Variants in PRRC2B observed in about 807,000 individuals in gnomAD.
The protein encoded by PRRC2B is protein PRRC2B.
A neutral mutation model predicts 242.3 loss-of-function variants in PRRC2B; 68 were observed. That is an observed-to-expected ratio of 0.28 (90% CI 0.23 to 0.34). The LOEUF (loss-of-function observed/expected upper bound fraction) is 0.34. PRRC2B is among the 10% of genes least tolerant of loss of function. PRRC2B has a pLI of 1.00. For missense variants in PRRC2B, 2,835 were observed against 2,954.8 expected, an observed-to-expected ratio of 0.96 and a Z score of 0.94; for synonymous variants, 1,228 against 1,173.6, an observed-to-expected ratio of 1.05 and a Z score of -0.95.
intron 28 of PRRC2B, among the ~76,000 whole-genome samples, chr9:131,489,041 G>C (rs1368061661): frequency 6.6e-6 from 1 of 152,000 alleles, no homozygotes; most frequent in Non-Finnish European, 1.5e-5. Context: ...TGTTCACATG[G>C]GCCCCTGCTC....
At chr9:131,474,193 G>C (rs999165604) in intron 15 of PRRC2B, among the ~76,000 whole-genome samples, 2 of 152,148 alleles carry the variant, frequency 1.3e-5, no homozygotes, top group African/African-American at 4.8e-5. Context: ...GGCCACGACA[G>C]TCTTCACTCT....
At chr9:131,478,025 T>A in intron 17 of PRRC2B, 76 bp downstream of exon 17, 1 of 1,384,924 alleles carries the variant, frequency 7.2e-7, no homozygotes, top group Non-Finnish European at 1.0e-6. Flanking sequence ...GCCTCCCGAG[T>A]TTGCCCTTGC....
chr9:131,423,531 G>GTCAGTGGAGATCCCTGCAAC (rs1248453076), intron 1 of PRRC2B, among the ~76,000 whole-genome samples: 22 of 152,228 alleles, frequency 1.4e-4, no homozygotes, highest in African/African-American at 5.3e-4. Flanking sequence ...CACTCAGCCG[G>GTCAGTGGAGATCCCTGCAAC]TCAGTGGAGA....
chr9:131,375,629 G>GCT (rs1836674144), intron 1 of PRRC2B, among the ~76,000 whole-genome samples: 5 of 152,234 alleles, frequency 3.3e-5, no homozygotes, highest in Admixed American at 3.3e-4. Context: ...GGGTCAGAAG[G>GCT]CTCTTGTTCC....
At chr9:131,411,820 C>CT (rs1055030735) in intron 1 of PRRC2B, among the ~76,000 whole-genome samples, 13 of 151,406 alleles carry the variant, frequency 8.6e-5, no homozygotes, top group African/African-American at 3.2e-4. Flanking sequence ...TGGGATTTTT[C>CT]TTTTCTTTTT....
chr9:131,394,482 GC>G (rs1836986257), intron 1 of PRRC2B, among the ~76,000 whole-genome samples: 1 of 147,206 alleles, frequency 6.8e-6, no homozygotes. Flanking sequence ...GGGGCGGCGG[GC>G]CCGGGCGCGC....
intron 1 of PRRC2B, among the ~76,000 whole-genome samples, chr9:131,382,891 C>T (rs554744171): frequency 4.6e-5 from 7 of 152,100 alleles, no homozygotes; most frequent in African/African-American, 1.4e-4. Context: ...GTGATCCGCC[C>T]GCCTTGGCTT....
chr9:131,474,446 C>T lies in PRRC2B; in HGVS notation c.2325-8C>T. 4 of 1,595,882 alleles carry T rather than the reference C, an allele frequency of 2.5e-6. No homozygotes were observed. The highest frequency in any genetic ancestry group is 3.4e-6 in the Non-Finnish European group (4 of 1,169,348). ...TCGCATTGACTGATTTTTCTGGTTC[C>T]TTTTCAGGAATGAAAGCTCTTTCTC... On this transcript the variant is annotated splice_polypyrimidine_tract_variant and splice_region_variant and intron_variant, in intron 15 of 31. Transcript: ENST00000683519.
At chr9:131,454,276 G>T (rs939628188) in intron 9 of PRRC2B, among the ~76,000 whole-genome samples, 8 of 152,228 alleles carry the variant, frequency 5.3e-5, no homozygotes, top group Non-Finnish European at 7.3e-5. Context: ...CTCTGTGATG[G>T]ATACTTTCTG....
rs1837604004 is a variant in PRRC2B, at chr9:131,414,859, C to T, written c.-51-15235C>T. 4.0e-5 allele frequency among the ~76,000 whole-genome samples: 6 copies of T among 151,858 alleles called. No homozygotes were observed. In the South Asian group the frequency reaches 6.2e-4, roughly 16 times the overall value. ...TGCTGGGATTACAAGCATGAGCCACCGTGCCTGGCTGCTATCTCGGGCTTC... is the reference window on the plus strand; with the variant it reads ...TGCTGGGATTACAAGCATGAGCCACTGTGCCTGGCTGCTATCTCGGGCTTC... On this transcript the variant is annotated intron_variant, in intron 1 of 31. Coordinates refer to ENST00000683519, the MANE Select transcript of PRRC2B (RefSeq NM_013318.4).
At chr9:131,491,365 T>C in intron 28 of PRRC2B, 60 bp from the exon 29 acceptor site, 1 of 1,485,974 alleles carries the variant, frequency 6.7e-7, no homozygotes, top group South Asian at 1.4e-5. Flanking sequence ...CGCTCTTTGG[T>C]GCGTTTGGGG....
chr9:131,458,846 T>A (rs940542363), intron 10 of PRRC2B, among the ~76,000 whole-genome samples: 1 of 152,176 alleles, frequency 6.6e-6, no homozygotes, highest in Admixed American at 6.5e-5. Flanking sequence ...TGTGTTGCGC[T>A]GCATCCAGAG....
At chr9:131,429,005 G>T (rs988128202) in intron 1 of PRRC2B, among the ~76,000 whole-genome samples, 2 of 152,162 alleles carry the variant, frequency 1.3e-5, no homozygotes, top group Non-Finnish European at 2.9e-5. Context: ...GCCTAGACGG[G>T]AGTGCAGTGG....
intron 19 of PRRC2B, among the ~76,000 whole-genome samples, chr9:131,481,311 C>A (rs866764802): frequency 1.8e-3 from 139 of 79,250 alleles, no homozygotes; most frequent in Admixed American, 2.4e-3. Context: ...ACTCCGTCTC[C>A]AAAAAAAAAA....
intron 1 of PRRC2B, among the ~76,000 whole-genome samples, chr9:131,398,355 C>T (rs747180145): frequency 3.9e-5 from 6 of 152,228 alleles, no homozygotes; most frequent in African/African-American, 7.2e-5. Flanking sequence ...AAGCATCCTT[C>T]GTCCGAGCTG....
chr9:131,422,049 T>TC (rs1837857653), intron 1 of PRRC2B, among the ~76,000 whole-genome samples: 1 of 152,106 alleles, frequency 6.6e-6, no homozygotes, highest in Admixed American at 6.6e-5. Context: ...TTTCTTTCTT[T>TC]TTTTTATTTT....
At chr9:131,447,043 A>G (rs756388048) in intron 7 of PRRC2B, 42 bp from the exon 8 acceptor site, 2 of 1,611,784 alleles carry the variant, frequency 1.2e-6, no homozygotes, top group South Asian at 2.2e-5. Flanking sequence ...TTGCAGTTTC[A>G]GCCATTACCA....
chr9:131,471,158 C>G (rs1446602910), intron 14 of PRRC2B, among the ~76,000 whole-genome samples, 175 bp downstream of exon 14: 2 of 152,230 alleles, frequency 1.3e-5, no homozygotes, highest in African/African-American at 4.8e-5. Flanking sequence ...AATAATAGTT[C>G]TGTCATAAAG....
Position 131,495,985 on chromosome 9 carries a change from C to G in PRRC2B, c.*111C>G, listed in dbSNP as rs924649070. The stretch of plus-strand genomic sequence containing the variant: ...CAGATCCACCGTCCAAATGCGTGGC[C>G]CAGACTGAGAGACCTCCCTCCTCTC... On this transcript the variant is annotated 3_prime_UTR_variant, in exon 32 of 32. Transcript: ENST00000683519. 4 of 1,443,562 alleles carry G rather than the reference C, an allele frequency of 2.8e-6. No individual in the cohort carries two copies. The African/African-American group carries it at 5.6e-5, about 20-fold the overall frequency. The allele number at this position is 1,443,562 out of a possible 1,614,324, so 89.4% of individuals were successfully genotyped here.
Sources: allele counts gnomAD v4.1 joint callset (sites outside exome capture counted in the v4.1 genomes callset), GRCh38; gene constraint gnomAD v4.1.1; transcripts MANE v1.5; gene names NCBI Gene and HGNC (gene_info 2026-07-23, HGNC 2026-07-21).